The following RALGAPA1 variants were observed in gnomAD, a reference collection of about 807,000 sequenced individuals.
The protein encoded by RALGAPA1 is Ral GTPase activating protein catalytic subunit alpha 1, also known as ral GTPase-activating protein subunit alpha-1.
Under a neutral mutation model 269.6 loss-of-function variants are expected in RALGAPA1, and 52 were observed. That is an observed-to-expected ratio of 0.19 (90% CI 0.15 to 0.24). RALGAPA1 has a LOEUF of 0.24. Among genes scored for constraint, RALGAPA1 ranks in the 10% least tolerant of loss-of-function variants. RALGAPA1 has a pLI of 1.00. For missense variants in RALGAPA1, 1,917 were observed against 3,013.9 expected (o/e 0.64, Z 8.52); for synonymous variants, 817 against 1,008.3 (o/e 0.81, Z 3.60).
intron 10 of RALGAPA1, among the ~76,000 whole-genome samples, chr14:35,747,647 T>G (rs928416199): frequency 6.6e-6 from 1 of 152,196 alleles, no homozygotes; most frequent in Non-Finnish European, 1.5e-5. Flanking sequence ...TAAAGAGCAC[T>G]GACATGGGAA....
chr14:35,743,595 T>C (rs2071772506), intron 10 of RALGAPA1, among the ~76,000 whole-genome samples: 2 of 152,304 alleles, frequency 1.3e-5, no homozygotes, highest in Non-Finnish European at 2.9e-5. Context: ...GTGGTTCTCC[T>C]GCCTCTGTCT....
intron 31 of RALGAPA1, among the ~76,000 whole-genome samples, chr14:35,648,335 G>A (rs867011562): frequency 1.6e-4 from 24 of 151,102 alleles, no homozygotes; most frequent in South Asian, 1.1e-3. Flanking sequence ...GCATGGTGGC[G>A]CACGCCTGTA....
intron 31 of RALGAPA1, among the ~76,000 whole-genome samples, chr14:35,645,353 GT>G (rs1814871459): frequency 1.4e-5 from 2 of 138,940 alleles, no homozygotes; most frequent in Non-Finnish European, 3.1e-5. Flanking sequence ...ATGGGTGTGT[GT>G]GTGTGTGTGT....
At chr14:35,687,123 T>C (rs1486140350) in intron 18 of RALGAPA1, among the ~76,000 whole-genome samples, 1 of 152,206 alleles carries the variant, frequency 6.6e-6, no homozygotes. Flanking sequence ...TCTATGGTTT[T>C]GATATACTGC....
chr14:35,602,250 A>G (rs1463214081), intron 36 of RALGAPA1, among the ~76,000 whole-genome samples: 1 of 152,248 alleles, frequency 6.6e-6, no homozygotes, highest in Non-Finnish European at 1.5e-5. Context: ...CCGTTTTGCT[A>G]GAGTAAATAA....
chr14:35,623,261 T>C (rs759064476), intron 35 of RALGAPA1, among the ~76,000 whole-genome samples: 7 of 151,918 alleles, frequency 4.6e-5, no homozygotes, highest in Non-Finnish European at 1.0e-4. Context: ...AGTTGACAAC[T>C]GAAAACTAAA....
intron 35 of RALGAPA1, among the ~76,000 whole-genome samples, chr14:35,607,131 T>C (rs1232631769): frequency 2.6e-5 from 4 of 152,234 alleles, no homozygotes; most frequent in Admixed American, 2.6e-4. Flanking sequence ...CTGTATATTG[T>C]CCTAAAGTCA....
At chr14:35,687,597 A>C (rs2066068392) in intron 18 of RALGAPA1, among the ~76,000 whole-genome samples, 1 of 152,182 alleles carries the variant, frequency 6.6e-6, no homozygotes, top group Non-Finnish European at 1.5e-5. Context: ...AAAACAAATA[A>C]AATCAAAACC....
chr14:35,656,617 G>C (rs1199409428), intron 28 of RALGAPA1, among the ~76,000 whole-genome samples: 3 of 152,144 alleles, frequency 2.0e-5, no homozygotes, highest in Non-Finnish European at 4.4e-5. Flanking sequence ...CCTTCTTCTA[G>C]TATCCTGTTA....
At chr14:35,713,558 T>G (rs1022111921) in intron 16 of RALGAPA1, among the ~76,000 whole-genome samples, 2 of 152,206 alleles carry the variant, frequency 1.3e-5, no homozygotes, top group Admixed American at 1.3e-4. Context: ...GAATCCAAAG[T>G]TTTTTGTGTT....
intron 39 of RALGAPA1, among the ~76,000 whole-genome samples, chr14:35,569,689 G>C (rs2057011011): frequency 6.6e-6 from 1 of 152,004 alleles, no homozygotes; most frequent in South Asian, 2.1e-4. Context: ...TCTTCCACCT[G>C]ATTAACTCTT....
intron 37 of RALGAPA1, among the ~76,000 whole-genome samples, chr14:35,592,616 T>G (rs1594739114): frequency 6.6e-6 from 1 of 152,246 alleles, no homozygotes; most frequent in Middle Eastern, 3.4e-3. Flanking sequence ...ATTAGCAAAC[T>G]GAACCAATCC....
chr14:35,596,017 G>A (rs1443581186), intron 36 of RALGAPA1, among the ~76,000 whole-genome samples: 1 of 152,034 alleles, frequency 6.6e-6, no homozygotes, highest in Non-Finnish European at 1.5e-5. Context: ...ATCAACTGCT[G>A]TGTACTATGC....
In RALGAPA1 at chr14:35,767,081, GAA is replaced by G. The variant is rs1289735166; in HGVS notation, c.325+3859_325+3860del. ...TGATTGTTCATCAATCCTTGAAAAT[GAA>G]AAGTTAGTCTCTGTCTCTCTAACAC... On this transcript the variant is annotated intron_variant, in intron 4 of 41. Transcript: ENST00000680220. 3.1e-5 allele frequency: 10 copies of G among 318,110 alleles called. No homozygotes were observed. In the East Asian group the frequency reaches 9.2e-4, roughly 29 times the overall value. The allele number at this position is 318,110 out of a possible 1,614,324, so 19.7% of individuals were successfully genotyped here. A position where few individuals can be genotyped will look rare whatever the true frequency, so the allele number is the denominator to read the frequency against.
At chr14:35,805,367 G>A (rs1474170703) in intron 1 of RALGAPA1, among the ~76,000 whole-genome samples, 9 of 150,616 alleles carry the variant, frequency 6.0e-5, no homozygotes, top group African/African-American at 2.0e-4. Context: ...GCTTGAACCC[G>A]GGAGGCGGAG....
At chr14:35,769,703 G>C (rs998010408) in intron 4 of RALGAPA1, among the ~76,000 whole-genome samples, 2 of 151,966 alleles carry the variant, frequency 1.3e-5, no homozygotes, top group African/African-American at 4.8e-5. Flanking sequence ...GGAATAACTT[G>C]AACAACTTTC....
At chr14:35,608,406 T>C (rs2059716082) in intron 35 of RALGAPA1, among the ~76,000 whole-genome samples, 1 of 152,162 alleles carries the variant, frequency 6.6e-6, no homozygotes, top group South Asian at 2.1e-4. Context: ...AGAGGCTAAT[T>C]ACTGGGGGGA....
chr14:35,771,965 T>G (rs2074663507), intron 3 of RALGAPA1, among the ~76,000 whole-genome samples: 1 of 152,246 alleles, frequency 6.6e-6, no homozygotes, highest in South Asian at 2.1e-4. Context: ...GAAAGTATTT[T>G]GATTTCATGA....
intron 36 of RALGAPA1, among the ~76,000 whole-genome samples, chr14:35,603,641 T>C (rs1230964750): frequency 6.6e-6 from 1 of 152,142 alleles, no homozygotes; most frequent in Non-Finnish European, 1.5e-5. Flanking sequence ...GTGGTATGCA[T>C]ACACAATGCA....
Sources: allele counts gnomAD v4.1 joint callset (sites outside exome capture counted in the v4.1 genomes callset), GRCh38; gene constraint gnomAD v4.1.1; transcripts MANE v1.5; gene names NCBI Gene and HGNC (gene_info 2026-07-23, HGNC 2026-07-21).